The following ZNF345 variants were observed in gnomAD, a reference collection of about 807,000 sequenced individuals.
The protein encoded by ZNF345 is zinc finger protein HZF10.
For synonymous variants in ZNF345, 166 were observed against 187.9 expected (o/e 0.88, Z 0.95); for missense variants, 527 against 589.9 (o/e 0.89, Z 1.10).
chr19:36,892,769 TAGAG>T, intron 3 of ZNF345: 1 of 469,616 alleles, frequency 2.1e-6, no homozygotes, highest in Non-Finnish European at 3.5e-6. Flanking sequence ...CTCCATATTA[TAGAG>T]AGATTCTAAT....
At chr19:36,884,801 A>T (rs958440374) in intron 3 of ZNF345, among the ~76,000 whole-genome samples, 1 of 151,976 alleles carries the variant, frequency 6.6e-6, no homozygotes, top group Non-Finnish European at 1.5e-5. Flanking sequence ...GGCCTAGAGT[A>T]CCCCCAGTGG....
At chr19:36,882,570 T>A (rs2146213654), downstream of ZNF345, among the ~76,000 whole-genome samples, 2 of 152,198 alleles carry the variant, frequency 1.3e-5, no homozygotes, top group Middle Eastern at 3.4e-3. Flanking sequence ...CCTGGCCCCA[T>A]AGTTTTTTAA....
At chr19:36,855,362 ATGGTCT>A (rs1250674181) in intron 2 of ZNF345, among the ~76,000 whole-genome samples, 1 of 141,942 alleles carries the variant, frequency 7.0e-6, no homozygotes, top group Non-Finnish European at 1.5e-5. Flanking sequence ...TGTTGCCAGG[ATGGTCT>A]TGATAACCTG....
intron 2 of ZNF345, among the ~76,000 whole-genome samples, chr19:36,864,127 A>G (rs1435251195): frequency 6.6e-6 from 1 of 152,248 alleles, no homozygotes; most frequent in Non-Finnish European, 1.5e-5. Flanking sequence ...GAACTAGGAA[A>G]GTTTAATATA....
chr19:36,857,863 C>T (rs185854620), intron 2 of ZNF345, among the ~76,000 whole-genome samples: 1 of 152,174 alleles, frequency 6.6e-6, no homozygotes, highest in Admixed American at 6.5e-5. Flanking sequence ...ACTGCAACCT[C>T]CACTTCCTGG....
chr19:36,886,165 T>C (rs1322892411), intron 3 of ZNF345, among the ~76,000 whole-genome samples: 4 of 152,148 alleles, frequency 2.6e-5, no homozygotes, highest in African/African-American at 9.7e-5. Context: ...ACTAAATAAA[T>C]GGAGAAGAGA....
At position 36,877,444 on chromosome 19, in the gene ZNF345, T is replaced by C; in HGVS notation, c.614T>C (p.Ile205Thr). The change falls in exon 3 of 3, where the codon ATA (isoleucine) becomes ACA (threonine). Residue 205 changes from isoleucine (I) to threonine (T), a missense_variant. Transcript: ENST00000420450. ...ACAGGTGAGAAACCTTATGAATGTA[T>C]AGATTGTGGTAAAGCCTTTGGCAGT... ...IHTGEKPYEC[I>T]DCGKAFGSGS... The C allele has an allele frequency of 3.1e-6, 5 of 1,612,596 alleles. No individual in the cohort carries two copies. The highest frequency in any genetic ancestry group is 4.2e-6 in the Non-Finnish European group (5 of 1,179,626).
At chr19:36,881,425 A>G (rs980447455), downstream of ZNF345, among the ~76,000 whole-genome samples, 1 of 152,294 alleles carries the variant, frequency 6.6e-6, no homozygotes, top group Non-Finnish European at 1.5e-5. Flanking sequence ...TAATCACCAG[A>G]ACTGACTCAA....
In ZNF345 at chr19:36,878,413, C is replaced by T; in HGVS notation, c.*116C>T. The T allele has an allele frequency of 2.1e-6, 2 of 957,508 alleles. No homozygotes were observed. Among genetic ancestry groups the T allele is most frequent in the African/African-American group, 1.6e-5 (1 of 60,740 alleles). The allele number at this position is 957,508 out of a possible 1,614,324, so 59.3% of individuals were successfully genotyped here. The stretch of plus-strand genomic sequence containing the variant: ...CCTTACTTATGCTTCACAGGTTAGT[C>T]AGTCTAAGAATATTTATACAGGAAA... On this transcript the variant is annotated 3_prime_UTR_variant, in exon 3 of 3. Coordinates refer to ENST00000420450, the MANE Select transcript of ZNF345 (RefSeq NM_001242472.2).
intron 2 of ZNF345, among the ~76,000 whole-genome samples, chr19:36,855,041 C>T (rs532185449): frequency 2.0e-5 from 3 of 149,978 alleles, no homozygotes; most frequent in Non-Finnish European, 4.4e-5. Flanking sequence ...TTAGTAGAGA[C>T]GGGGTTTCAC....
At chr19:36,854,203 T>G (rs989384387) in intron 2 of ZNF345, among the ~76,000 whole-genome samples, 2 of 151,758 alleles carry the variant, frequency 1.3e-5, no homozygotes, top group African/African-American at 4.8e-5. Flanking sequence ...CAGATAATGA[T>G]CAATCATAGT....
chr19:36,863,801 C>G lies in ZNF345; in HGVS notation c.-47+11897C>G, dbSNP rs145929528. Among the ~76,000 whole-genome samples the G allele has an allele frequency of 9.7e-3, 1,474 of 152,320 alleles. 11 individuals carry two copies. The highest frequency in any genetic ancestry group is 0.017 in the Non-Finnish European group (1,123 of 68,022). On this transcript the variant is annotated intron_variant, in intron 2 of 2. Transcript: ENST00000420450. Reference sequence around the variant, plus strand: ...CCATCCCACACCGCAGTCCTTATATCATTACTGCCATAATGGTCAAGTACA... The same window carrying G: ...CCATCCCACACCGCAGTCCTTATATGATTACTGCCATAATGGTCAAGTACA...
intron 2 of ZNF345, among the ~76,000 whole-genome samples, chr19:36,873,493 A>G (rs1268724128): frequency 6.6e-6 from 1 of 152,162 alleles, no homozygotes; most frequent in Non-Finnish European, 1.5e-5. Flanking sequence ...TGTGTGTGGC[A>G]AGAGCACCTA....
At chr19:36,873,652 G>T in intron 2 of ZNF345, among the ~76,000 whole-genome samples, 1 of 150,110 alleles carries the variant, frequency 6.7e-6, no homozygotes, top group Non-Finnish European at 1.5e-5. Context: ...CTCCCTGACA[G>T]TCCCTGGTAA....
chr19:36,850,422 T>C (rs1006057122), upstream of ZNF345: 1 of 152,276 alleles, frequency 6.6e-6, no homozygotes, highest in Admixed American at 6.5e-5. Context: ...TTAAAGACTA[T>C]TGCAATAGTC....
At chr19:36,876,110 C>T (rs73039103) in intron 2 of ZNF345, among the ~76,000 whole-genome samples, 1 of 152,274 alleles carries the variant, frequency 6.6e-6, no homozygotes, top group Admixed American at 6.5e-5. Flanking sequence ...TCCATCTTCT[C>T]TCAATGTTAT....
intron 2 of ZNF345, among the ~76,000 whole-genome samples, chr19:36,860,265 G>A (rs1433152589): frequency 6.6e-6 from 1 of 152,084 alleles, no homozygotes; most frequent in Non-Finnish European, 1.5e-5. Context: ...CTAAGTTGCA[G>A]ATATTTTGCC....
At chr19:36,875,902 G>A (rs919473046) in intron 2 of ZNF345, among the ~76,000 whole-genome samples, 1 of 152,124 alleles carries the variant, frequency 6.6e-6, no homozygotes, top group South Asian at 2.1e-4. Context: ...GCACTGCATA[G>A]TTACTTTATG....
At position 36,879,565 on chromosome 19, in the gene ZNF345, A is replaced by G. The variant is rs1040734482; in HGVS notation, c.*1268A>G. ...GTCAAATATTAAAAATTTTGCCATT[A>G]TAAACACTTACCTTGATGGCCCCTT... On this transcript the variant is annotated 3_prime_UTR_variant, in exon 3 of 3. Transcript: ENST00000420450. 6.0e-6 allele frequency: 1 copy of G among 166,832 alleles called. No individual in the cohort carries two copies. Among genetic ancestry groups the G allele is most frequent in the Non-Finnish European group, 1.5e-5 (1 of 68,124 alleles). 10.3% of individuals were successfully genotyped at this position (166,832 alleles called of 1,614,324 possible). A position where few individuals can be genotyped will look rare whatever the true frequency, so the allele number is the denominator to read the frequency against.
Sources: gnomAD v4.1 joint callset for allele counts (sites outside exome capture counted in the v4.1 genomes callset) on GRCh38, gnomAD v4.1.1 for gene constraint, MANE v1.5 for transcripts, NCBI Gene and HGNC (gene_info 2026-07-23, HGNC 2026-07-21) for gene names.